The following CACNB2 variants were observed in gnomAD, a reference collection of about 807,000 sequenced individuals.
CACNB2 encodes the protein voltage-dependent L-type calcium channel subunit beta-2.
CACNB2 carries 42 observed loss-of-function variants against 73.3 expected under a neutral mutation model. That is an observed-to-expected ratio of 0.57 (90% CI 0.45 to 0.74). The LOEUF (loss-of-function observed/expected upper bound fraction) is 0.74. CACNB2 is among the 30% of genes least tolerant of loss of function. CACNB2 has a pLI of 0.00. For synonymous variants in CACNB2, 348 were observed against 310.3 expected, an observed-to-expected ratio of 1.12 and a Z score of -1.28; for missense variants, 940 against 853.0, an observed-to-expected ratio of 1.10 and a Z score of -1.27.
At chr10:18,523,092 T>C (rs2052089433) in intron 9 of CACNB2, among the ~76,000 whole-genome samples, 1 of 152,102 alleles carries the variant, frequency 6.6e-6, no homozygotes, top group Admixed American at 6.5e-5. Context: ...ATAGACCCTT[T>C]AGCTTGGACC....
intron 6 of CACNB2, 119 bp downstream of exon 6, chr10:18,506,666 A>C: frequency 1.4e-6 from 1 of 731,626 alleles, no homozygotes; most frequent in Non-Finnish European, 2.5e-6. Flanking sequence ...AGATGTTAAA[A>C]GGAATCAGAA....
intron 2 of CACNB2, among the ~76,000 whole-genome samples, chr10:18,363,937 G>A (rs1376411768): frequency 2.0e-5 from 3 of 149,408 alleles, no homozygotes; most frequent in African/African-American, 7.4e-5. Context: ...GTAGGGTCTT[G>A]AAGGCAGTTT....
At chr10:18,326,526 C>A (rs1331383095) in intron 2 of CACNB2, among the ~76,000 whole-genome samples, 2 of 152,212 alleles carry the variant, frequency 1.3e-5, no homozygotes, top group Non-Finnish European at 2.9e-5. Flanking sequence ...TTCGTCAGAA[C>A]TGCTATGCCC....
intron 2 of CACNB2, among the ~76,000 whole-genome samples, chr10:18,219,976 A>G (rs2035666259): frequency 6.7e-6 from 1 of 148,940 alleles, no homozygotes. Context: ...CCTGTTGGCC[A>G]GGCTGGTCAC....
intron 2 of CACNB2, chr10:18,340,997 G>A: frequency 1.2e-6 from 2 of 1,613,602 alleles, no homozygotes; most frequent in South Asian, 2.2e-5. Context: ...CGGGAGAGAA[G>A]CCGGCCAGAT....
At chr10:18,499,613 C>CAA (rs1336112573) in intron 4 of CACNB2, among the ~76,000 whole-genome samples, 239 of 21,156 alleles carry the variant, frequency 0.011, 14 homozygotes, top group African/African-American at 0.015. Context: ...GATTCTGTCT[C>CAA]AAAGAAAAAA....
chr10:18,325,622 T>TCTTTCTTTCCTTCTTTTC (rs1258874970), intron 2 of CACNB2, among the ~76,000 whole-genome samples: 2 of 151,710 alleles, frequency 1.3e-5, no homozygotes, highest in Admixed American at 1.3e-4. Context: ...CTTTCCTTTC[T>TCTTTCTTTCCTTCTTTTC]CTTTCTTTCC....
In CACNB2 at chr10:18,489,889, G is replaced by GT. The variant is rs1183209554; in HGVS notation, c.334-8460dup. On this transcript the variant is annotated intron_variant, in intron 3 of 13. Coordinates refer to ENST00000324631, the MANE Select transcript of CACNB2 (RefSeq NM_201596.3). The stretch of plus-strand genomic sequence containing the variant: ...ACATGGCCTTGGTGTTTTAGTTTCG[G>GT]TTTTTTGAGACAGGGTCTCTCTCTG... Among the ~76,000 whole-genome samples, 27 of 152,110 alleles carry GT rather than the reference G, an allele frequency of 1.8e-4. 1 individual carries two copies. In the East Asian group the frequency reaches 3.9e-3, roughly 22 times the overall value.
At chr10:18,227,620 G>A (rs1256235171) in intron 2 of CACNB2, among the ~76,000 whole-genome samples, 1 of 152,184 alleles carries the variant, frequency 6.6e-6, no homozygotes, top group East Asian at 1.9e-4. Context: ...CAGAAAGGTG[G>A]TCTTGGGCGG....
intron 2 of CACNB2, among the ~76,000 whole-genome samples, chr10:18,270,048 C>G (rs1472131804): frequency 6.6e-6 from 1 of 152,134 alleles, no homozygotes; most frequent in Admixed American, 6.6e-5. Flanking sequence ...AAGTAGTACT[C>G]AAGACTGGAT....
intron 13 of CACNB2, among the ~76,000 whole-genome samples, chr10:18,538,570 C>T (rs112132268): frequency 2.6e-4 from 40 of 152,112 alleles, no homozygotes; most frequent in African/African-American, 8.2e-4. Flanking sequence ...CACAGACTAC[C>T]GAAACTTTCT....
At chr10:18,457,974 C>G (rs1414444997) in intron 3 of CACNB2, among the ~76,000 whole-genome samples, 1 of 152,066 alleles carries the variant, frequency 6.6e-6, no homozygotes, top group Non-Finnish European at 1.5e-5. Flanking sequence ...TGTATTTGTT[C>G]TCAACACAGC....
intron 2 of CACNB2, among the ~76,000 whole-genome samples, chr10:18,291,583 C>T (rs1206593107): frequency 6.6e-6 from 1 of 152,168 alleles, no homozygotes; most frequent in African/African-American, 2.4e-5. Context: ...AGGTTACTTT[C>T]GCTGTTACTT....
At chr10:18,307,715 G>A (rs2131865524) in intron 2 of CACNB2, among the ~76,000 whole-genome samples, 1 of 152,270 alleles carries the variant, frequency 6.6e-6, no homozygotes, top group Middle Eastern at 3.4e-3. Context: ...GACTTAAAAA[G>A]ATGTGAGGTC....
chr10:18,331,863 G>C (rs1160069415), intron 2 of CACNB2, among the ~76,000 whole-genome samples: 1 of 152,160 alleles, frequency 6.6e-6, no homozygotes, highest in African/African-American at 2.4e-5. Flanking sequence ...CACTCTAAAA[G>C]TACCAAGTAT....
chr10:18,470,117 C>T (rs966098486), intron 3 of CACNB2, among the ~76,000 whole-genome samples: 12 of 151,390 alleles, frequency 7.9e-5, no homozygotes, highest in East Asian at 1.9e-4. Context: ...TTATTGAATG[C>T]GTTTTCATCT....
chr10:18,287,923 C>T (rs2038874709), intron 2 of CACNB2, among the ~76,000 whole-genome samples: 1 of 152,176 alleles, frequency 6.6e-6, no homozygotes, highest in Non-Finnish European at 1.5e-5. Flanking sequence ...GGGGAGGATT[C>T]TCCCTTGCCT....
chr10:18,410,509 C>CA (rs2044559704), intron 3 of CACNB2, among the ~76,000 whole-genome samples: 1 of 150,500 alleles, frequency 6.6e-6, no homozygotes, highest in Non-Finnish European at 1.5e-5. Flanking sequence ...TAGTTTATTT[C>CA]AAAAAAATAT....
At chr10:18,407,544 T>C (rs1386665100) in intron 3 of CACNB2, among the ~76,000 whole-genome samples, 1 of 152,188 alleles carries the variant, frequency 6.6e-6, no homozygotes, top group Non-Finnish European at 1.5e-5. Context: ...TTTTGTTTAT[T>C]GTACTTGGCT....
Sources: allele counts gnomAD v4.1 joint callset (sites outside exome capture counted in the v4.1 genomes callset), GRCh38; gene constraint gnomAD v4.1.1; transcripts MANE v1.5; gene names NCBI Gene and HGNC (gene_info 2026-07-23, HGNC 2026-07-21).